STK39: variants seen among roughly 807,000 people sequenced by gnomAD.
The protein encoded by STK39 is STE20/SPS1-related proline-alanine-rich protein kinase.
Under a neutral mutation model 77.8 loss-of-function variants are expected in STK39, and 20 were observed. The ratio of observed to expected loss-of-function variants is 0.26; its 90% CI spans 0.18 to 0.37. The LOEUF (loss-of-function observed/expected upper bound fraction) is 0.37. STK39 is among the 10% of genes least tolerant of loss of function. STK39 has a pLI of 1.00. For synonymous variants in STK39, 246 were observed against 234.1 expected, an observed-to-expected ratio of 1.05 and a Z score of -0.47; for missense variants, 479 against 656.5, an observed-to-expected ratio of 0.73 and a Z score of 2.95.
At chr2:168,159,912 G>C (rs1688526639) in intron 5 of STK39, among the ~76,000 whole-genome samples, 1 of 152,168 alleles carries the variant, frequency 6.6e-6, no homozygotes, top group Non-Finnish European at 1.5e-5. Context: ...CTTCCTGCCT[G>C]AGCCCTTCTG....
intron 14 of STK39, among the ~76,000 whole-genome samples, chr2:168,039,947 C>T (rs921685474): frequency 1.2e-4 from 19 of 152,292 alleles, no homozygotes; most frequent in African/African-American, 3.1e-4. Flanking sequence ...ATGTCCCATT[C>T]AGGCACTGCC....
intron 14 of STK39, among the ~76,000 whole-genome samples, chr2:168,024,851 T>C (rs575645421): frequency 3.9e-5 from 6 of 152,176 alleles, no homozygotes; most frequent in African/African-American, 1.2e-4. Flanking sequence ...TTAGAAAGGA[T>C]AAAGAATAGA....
At chr2:168,189,767 A>G (rs1689294316) in intron 1 of STK39, among the ~76,000 whole-genome samples, 2 of 152,218 alleles carry the variant, frequency 1.3e-5, no homozygotes, top group African/African-American at 4.8e-5. Context: ...AAAACATTTA[A>G]CATTAGTCTC....
At chr2:168,117,857 G>C (rs1297215879) in intron 10 of STK39, among the ~76,000 whole-genome samples, 2 of 152,072 alleles carry the variant, frequency 1.3e-5, no homozygotes, top group African/African-American at 4.8e-5. Context: ...ATAAGTGGCG[G>C]GAACTTGTAT....
Position 167,955,172 on chromosome 2 carries a change from T to G in STK39, c.*324A>C, listed in dbSNP as rs1256723795. On this transcript the variant is annotated 3_prime_UTR_variant, in exon 18 of 18. Transcript: ENST00000355999. ...AAGACCACCTGAGTGTATTTCAGAT[T>G]CTTTTCACTTAAGGGATATCCAAAT... The G allele has an allele frequency of 5.4e-6, 1 of 184,094 alleles. No individual in the cohort carries two copies. Among genetic ancestry groups the G allele is most frequent in the Admixed American group, 5.6e-5 (1 of 17,854 alleles). 11.4% of individuals were successfully genotyped at this position (184,094 alleles called of 1,614,324 possible). A position where few individuals can be genotyped will look rare whatever the true frequency, so the allele number is the denominator to read the frequency against.
At chr2:168,141,864 G>A (rs949442121) in intron 5 of STK39, among the ~76,000 whole-genome samples, 1 of 152,170 alleles carries the variant, frequency 6.6e-6, no homozygotes, top group Admixed American at 6.5e-5. Context: ...TTTGCTGTAG[G>A]CCTATAAGGT....
At chr2:168,172,134 ACTC>A (rs1242277784) in intron 2 of STK39, among the ~76,000 whole-genome samples, 1 of 151,966 alleles carries the variant, frequency 6.6e-6, no homozygotes, top group Non-Finnish European at 1.5e-5. Flanking sequence ...GATGTATAAA[ACTC>A]CTTGCAGAAT....
intron 10 of STK39, among the ~76,000 whole-genome samples, chr2:168,124,937 G>C (rs1303769806): frequency 1.3e-5 from 2 of 151,882 alleles, no homozygotes; most frequent in African/African-American, 2.4e-5. Flanking sequence ...AACACATGGA[G>C]ACAGGGAGGG....
chr2:167,997,579 AGAGCTG>A (rs1317329183), intron 16 of STK39, among the ~76,000 whole-genome samples: 5 of 152,220 alleles, frequency 3.3e-5, no homozygotes, highest in African/African-American at 1.2e-4. Flanking sequence ...CTTCACTGAC[AGAGCTG>A]GGATTTGAAC....
chr2:168,168,242 A>C lies in STK39; in HGVS notation c.322-835T>G, dbSNP rs139005200. On this transcript the variant is annotated intron_variant, in intron 2 of 17. Transcript: ENST00000355999. ...AAGACATAAAACAACAAAGCTGAGA[A>C]ATAAAACAAAAGGAAACTTTCAATA... Among the ~76,000 whole-genome samples, 162 of 152,312 alleles carry C rather than the reference A, an allele frequency of 1.1e-3. 2 individuals carry two copies. The East Asian group carries it at 0.024, about 23-fold the overall frequency.
Position 168,219,069 on chromosome 2 carries a change from G to A in STK39, c.208+28159C>T, listed in dbSNP as rs542654843. On this transcript the variant is annotated intron_variant, in intron 1 of 17. Coordinates refer to ENST00000355999, the MANE Select transcript of STK39 (RefSeq NM_013233.3). ...GGGGTGGGCATTTAGGTGGAACCTT[G>A]AAAGATTCACATAATTTGTATATTA... 9.9e-4 allele frequency among the ~76,000 whole-genome samples: 150 copies of A among 152,238 alleles called. 1 individual carries two copies. The highest frequency in any genetic ancestry group is 3.4e-3 in the African/African-American group (143 of 41,522).
chr2:168,109,080 C>A (rs1413905447), intron 10 of STK39, among the ~76,000 whole-genome samples: 1 of 152,142 alleles, frequency 6.6e-6, no homozygotes, highest in East Asian at 1.9e-4. Flanking sequence ...AGTGTCATGA[C>A]TGGAACCTTG....
chr2:168,031,588 A>G (rs1408410348), intron 14 of STK39, among the ~76,000 whole-genome samples: 1 of 152,204 alleles, frequency 6.6e-6, no homozygotes, highest in Non-Finnish European at 1.5e-5. Flanking sequence ...GTTAAGTGAG[A>G]TCATTAGGGT....
intron 14 of STK39, among the ~76,000 whole-genome samples, chr2:168,036,201 A>G (rs1450722439): frequency 6.6e-6 from 1 of 151,698 alleles, no homozygotes; most frequent in Non-Finnish European, 1.5e-5. Flanking sequence ...CCAAAACCAC[A>G]GTACTGTGAG....
At chr2:167,956,425 C>T (rs1340994169) in intron 17 of STK39, among the ~76,000 whole-genome samples, 1 of 152,060 alleles carries the variant, frequency 6.6e-6, no homozygotes, top group East Asian at 1.9e-4. Flanking sequence ...GGTTTGGTGG[C>T]ACACACCTGT....
intron 10 of STK39, among the ~76,000 whole-genome samples, chr2:168,101,546 T>C (rs1018685549): frequency 5.9e-5 from 9 of 152,020 alleles, no homozygotes; most frequent in Admixed American, 6.5e-5. Flanking sequence ...AAGACCAGAC[T>C]GGCCAACATG....
intron 5 of STK39, among the ~76,000 whole-genome samples, chr2:168,147,775 T>C (rs182791413): frequency 9.2e-5 from 14 of 152,248 alleles, no homozygotes; most frequent in Non-Finnish European, 4.4e-5. Flanking sequence ...ATGGGCCCAG[T>C]ATACTACACT....
chr2:168,083,137 C>T (rs2105419367), intron 10 of STK39, among the ~76,000 whole-genome samples: 1 of 152,142 alleles, frequency 6.6e-6, no homozygotes, highest in South Asian at 2.1e-4. Flanking sequence ...CCCTACAATC[C>T]AGTTATGTAC....
Position 168,247,309 on chromosome 2 carries a change from G to GGGCCGC in STK39, c.121_126dup (p.Ala41_Ala42dup), listed in dbSNP as rs1558897049. On this transcript the variant is annotated inframe_insertion, in exon 1 of 18. Coordinates refer to ENST00000355999, the MANE Select transcript of STK39 (RefSeq NM_013233.3). ...GCCGCCGGGGCCGGGGCCGGGGCCG[G>GGGCCGC]GGCCGCGGGAGCTGCCGGGGCCGGC... 1 of 1,038,406 alleles carries GGGCCGC rather than the reference G, an allele frequency of 9.6e-7. No homozygotes were observed. The highest frequency in any genetic ancestry group is 1.2e-6 in the Non-Finnish European group (1 of 862,588). The allele number at this position is 1,038,406 out of a possible 1,614,324, so 64.3% of individuals were successfully genotyped here. A position where few individuals can be genotyped will look rare whatever the true frequency, so the allele number is the denominator to read the frequency against.
Sources: gnomAD v4.1 joint callset for allele counts (sites outside exome capture counted in the v4.1 genomes callset) on GRCh38, gnomAD v4.1.1 for gene constraint, MANE v1.5 for transcripts, NCBI Gene and HGNC (gene_info 2026-07-23, HGNC 2026-07-21) for gene names.